AOAH: variants seen among roughly 807,000 people sequenced by gnomAD.
AOAH encodes acyloxyacyl hydrolase.
In AOAH, 64 loss-of-function variants were observed where a neutral mutation model predicts 92.2. The ratio of observed to expected loss-of-function variants is 0.69; its 90% CI spans 0.57 to 0.86. AOAH has a LOEUF of 0.86. Among genes scored for constraint, AOAH ranks in the 40% least tolerant of loss-of-function variants. The probability of loss-of-function intolerance (pLI) is 0.00; values close to 1 mark genes in which losing one functional copy is unlikely to be tolerated. For synonymous variants in AOAH, 263 were observed against 254.5 expected, an observed-to-expected ratio of 1.03 and a Z score of -0.32; for missense variants, 656 against 694.6, an observed-to-expected ratio of 0.94 and a Z score of 0.62.
At chr7:36,583,816 T>A (rs1789112354) in intron 12 of AOAH, among the ~76,000 whole-genome samples, 1 of 152,210 alleles carries the variant, frequency 6.6e-6, no homozygotes, top group South Asian at 2.1e-4. Context: ...GAAGCAGGTG[T>A]AGCTCTCTCC....
At chr7:36,651,150 G>A (rs1448018008) in intron 4 of AOAH, among the ~76,000 whole-genome samples, 3 of 152,218 alleles carry the variant, frequency 2.0e-5, no homozygotes, top group Non-Finnish European at 4.4e-5. Flanking sequence ...GTTCCTCCTT[G>A]CACCCTGTGT....
chr7:36,535,020 G>GTC (rs1362147876), intron 16 of AOAH, among the ~76,000 whole-genome samples: 2 of 13,614 alleles, frequency 1.5e-4, no homozygotes, highest in Non-Finnish European at 3.0e-4. Context: ...GTGTGTGTCT[G>GTC]TGTCTGTGTG....
chr7:36,719,701 C>G (rs1348911507), intron 1 of AOAH, among the ~76,000 whole-genome samples: 1 of 152,026 alleles, frequency 6.6e-6, no homozygotes, highest in Non-Finnish European at 1.5e-5. Context: ...GAGGCTGAGG[C>G]AGACAGATTG....
intron 13 of AOAH, among the ~76,000 whole-genome samples, chr7:36,555,521 C>T (rs1010734594): frequency 3.9e-5 from 6 of 152,012 alleles, no homozygotes; most frequent in African/African-American, 1.5e-4. Context: ...GGGAGGATTC[C>T]CTCTTTTTCT....
In AOAH at chr7:36,644,304, G is replaced by A. The variant is rs187808905; in HGVS notation, c.391-6394C>T. ...CAAAGTCCATGATTTTTCACTCTGCGCTGGGAGATAGATGTTAAACGGTGT... is the reference window on the plus strand; with the variant it reads ...CAAAGTCCATGATTTTTCACTCTGCACTGGGAGATAGATGTTAAACGGTGT... On this transcript the variant is annotated intron_variant, in intron 4 of 20. Transcript: ENST00000617537. Among the ~76,000 whole-genome samples the A allele has an allele frequency of 3.9e-5, 6 of 152,082 alleles. No individual in the cohort carries two copies. The East Asian group carries it at 7.7e-4, about 20-fold the overall frequency.
chr7:36,550,445 C>T (rs947706163), intron 13 of AOAH, among the ~76,000 whole-genome samples: 2 of 152,048 alleles, frequency 1.3e-5, no homozygotes, highest in Non-Finnish European at 2.9e-5. Context: ...AGCTGTGGTA[C>T]AATTGTGTGA....
At chr7:36,658,388 AT>A (rs1229225285) in intron 4 of AOAH, among the ~76,000 whole-genome samples, 1 of 152,010 alleles carries the variant, frequency 6.6e-6, no homozygotes, top group Non-Finnish European at 1.5e-5. Context: ...AAGGCAAAGA[AT>A]TTTTTTTCAC....
chr7:36,522,172 T>C, intron 19 of AOAH, 57 bp from the exon 20 acceptor site: 2 of 1,557,890 alleles, frequency 1.3e-6, no homozygotes, highest in Non-Finnish European at 1.8e-6. Flanking sequence ...ACGGCCAATA[T>C]CCAAGGACAA....
At chr7:36,533,951 G>A (rs2116050305) in intron 16 of AOAH, among the ~76,000 whole-genome samples, 1 of 152,276 alleles carries the variant, frequency 6.6e-6, no homozygotes, top group East Asian at 1.9e-4. Context: ...GGGCCTCATA[G>A]TGAAACTTAG....
At chr7:36,582,391 C>T (rs1788993769) in intron 12 of AOAH, among the ~76,000 whole-genome samples, 1 of 152,192 alleles carries the variant, frequency 6.6e-6, no homozygotes, top group Non-Finnish European at 1.5e-5. Context: ...GTTAACTTTC[C>T]AGTTTCACCA....
intron 2 of AOAH, among the ~76,000 whole-genome samples, chr7:36,675,398 T>C (rs1303662967): frequency 6.6e-6 from 1 of 152,170 alleles, no homozygotes; most frequent in East Asian, 1.9e-4. Context: ...GTAACTTAGA[T>C]AAAATAAAAA....
chr7:36,527,601 G>C (rs930104774), intron 19 of AOAH, among the ~76,000 whole-genome samples: 1 of 152,050 alleles, frequency 6.6e-6, no homozygotes, highest in South Asian at 2.1e-4. Context: ...GGCGGGGGAC[G>C]GCCACTAACA....
chr7:36,661,283 C>T (rs1394768536), intron 3 of AOAH: 1 of 152,218 alleles, frequency 6.6e-6, no homozygotes, highest in East Asian at 1.9e-4. Context: ...CGGCTTCACC[C>T]TGGGCTACTC....
At chr7:36,623,911 T>C (rs555489056) in intron 6 of AOAH, among the ~76,000 whole-genome samples, 1 of 152,354 alleles carries the variant, frequency 6.6e-6, no homozygotes, top group East Asian at 1.9e-4. Context: ...TGCAGTCATA[T>C]GGCAATGAGG....
intron 13 of AOAH, among the ~76,000 whole-genome samples, chr7:36,572,018 A>C (rs1448590600): frequency 1.3e-5 from 2 of 152,160 alleles, no homozygotes; most frequent in African/African-American, 4.8e-5. Flanking sequence ...AATAATCAGA[A>C]TGTTCCTAGC....
intron 3 of AOAH, among the ~76,000 whole-genome samples, chr7:36,662,427 A>C (rs1361334139): frequency 1.3e-5 from 2 of 152,226 alleles, no homozygotes; most frequent in Non-Finnish European, 2.9e-5. Flanking sequence ...CCTTTTAAGC[A>C]GTGAAGCAGG....
At chr7:36,710,217 T>TA (rs757865087) in intron 1 of AOAH, among the ~76,000 whole-genome samples, 2 of 152,198 alleles carry the variant, frequency 1.3e-5, no homozygotes, top group East Asian at 3.9e-4. Flanking sequence ...CATATGTAAT[T>TA]AAGGACTCCA....
chr7:36,594,612 C>T (rs756320591), intron 11 of AOAH, 182 bp from the exon 12 acceptor site: 2 of 674,074 alleles, frequency 3.0e-6, no homozygotes, highest in Non-Finnish European at 5.4e-6. Flanking sequence ...AGGGAAGTCA[C>T]AATGATCAGC....
At chr7:36,690,588 C>T (rs1797336822) in intron 1 of AOAH, among the ~76,000 whole-genome samples, 1 of 152,168 alleles carries the variant, frequency 6.6e-6, no homozygotes, top group South Asian at 2.1e-4. Flanking sequence ...AGAGTAATTC[C>T]TCCCATTACA....
Sources: gnomAD v4.1 joint callset for allele counts (sites outside exome capture counted in the v4.1 genomes callset) on GRCh38, gnomAD v4.1.1 for gene constraint, MANE v1.5 for transcripts, NCBI Gene and HGNC (gene_info 2026-07-23, HGNC 2026-07-21) for gene names.